SCARB2: variants seen among roughly 807,000 people sequenced by gnomAD.
SCARB2 encodes lysosome membrane protein 2.
Under a neutral mutation model 58.6 loss-of-function variants are expected in SCARB2, and 29 were observed. That is an observed-to-expected ratio of 0.49 (90% CI 0.37 to 0.67). The LOEUF is 0.67. SCARB2 is among the 30% of genes least tolerant of loss of function. SCARB2 has a pLI of 0.00. For synonymous variants in SCARB2, 195 were observed against 210.1 expected (o/e 0.93, Z 0.62); for missense variants, 488 against 578.5 (o/e 0.84, Z 1.60).
intron 1 of SCARB2, among the ~76,000 whole-genome samples, chr4:76,199,020 G>C (rs1207718548): frequency 6.6e-6 from 1 of 152,184 alleles, no homozygotes; most frequent in African/African-American, 2.4e-5. Flanking sequence ...TTACTATTCA[G>C]TTACCATTAC....
chr4:76,224,321 C>T (rs949618754), intron 1 of SCARB2, among the ~76,000 whole-genome samples: 1 of 152,160 alleles, frequency 6.6e-6, no homozygotes, highest in African/African-American at 2.4e-5. Flanking sequence ...ATCTTTATGA[C>T]AGGAGGTAGT....
intron 1 of SCARB2, 38 bp downstream of exon 1, chr4:76,213,389 A>G (rs775863179): frequency 3.6e-6 from 5 of 1,396,758 alleles, no homozygotes; most frequent in Admixed American, 1.7e-5. Flanking sequence ...GGTGAGCTGG[A>G]CGACTCCACA....
At chr4:76,214,247 G>A (rs138200779), upstream of SCARB2, 1 of 455,296 alleles carries the variant, frequency 2.2e-6, no homozygotes, top group African/African-American at 2.0e-5. Flanking sequence ...AATGTAGCAA[G>A]TGCTTCTACC....
intron 2 of SCARB2, among the ~76,000 whole-genome samples, chr4:76,189,481 T>C (rs1450807607): frequency 6.9e-6 from 1 of 145,018 alleles, no homozygotes; most frequent in Non-Finnish European, 1.5e-5. Context: ...TGTCTGTTGT[T>C]GTTGTTGTTG....
At chr4:76,167,681 C>T (rs1470609159) in intron 9 of SCARB2, among the ~76,000 whole-genome samples, 36 of 121,128 alleles carry the variant, frequency 3.0e-4, no homozygotes, top group African/African-American at 1.2e-3. Flanking sequence ...CTCCCCCCCC[C>T]CGCTTTTTTT....
At chr4:76,163,405 A>G (rs770951553) in intron 10 of SCARB2, 22 bp from the exon 11 acceptor site, 2 of 1,613,694 alleles carry the variant, frequency 1.2e-6, no homozygotes, top group East Asian at 4.5e-5. Context: ...AGAAAATAGT[A>G]TTCTTGATGA....
Position 76,195,848 on chromosome 4 carries a change from T to C in SCARB2, c.134A>G (p.Asn45Ser), listed in dbSNP as rs1164488197. 3 of 1,611,618 alleles carry C rather than the reference T, an allele frequency of 1.9e-6. No homozygotes were observed. The highest frequency in any genetic ancestry group is 1.7e-5 in the Admixed American group (1 of 59,408). ...QSIEKKIVLRNGTEAFDSWEK... is the reference protein window; with the variant it reads ...QSIEKKIVLRSGTEAFDSWEK... The stretch of plus-strand genomic sequence containing the variant: ...CCAGGAGTCAAATGCCTCAGTACCA[T>C]TCCTTAACACAATTTTCTAGGAAAA... The change falls in exon 2 of 12, where the codon AAT (asparagine) becomes AGT (serine). Residue 45 changes from asparagine (N) to serine (S), a missense_variant. Transcript: ENST00000264896.
rs757142810 is a variant in SCARB2, at chr4:76,161,721, G to A, written c.1429C>T (p.Arg477Ter). The A allele has an allele frequency of 5.6e-6, 9 of 1,614,014 alleles. No individual in the cohort carries two copies. The South Asian group carries it at 6.6e-5, about 12-fold the overall frequency. The change falls in exon 12 of 12, where the codon CGA becomes TGA. Residue 477 changes from arginine to a stop codon, truncating the protein, a stop_gained. Coordinates refer to ENST00000264896, the MANE Select transcript of SCARB2 (RefSeq NM_005506.4). LOFTEE classifies it high-confidence loss of function. ...CCAAGCAAAGGCAATGTTTAGGTTC[G>A]AATGAGGGGTGCTCTTTCATCCGCT... ...GTADERAPLIRT is the reference protein window; with the variant it reads ...GTADERAPLI
intron 1 of SCARB2, among the ~76,000 whole-genome samples, chr4:76,212,153 G>C (rs1733060830): frequency 6.6e-6 from 1 of 152,160 alleles, no homozygotes; most frequent in African/African-American, 2.4e-5. Context: ...CCCAAAGCAA[G>C]AGTTTACATC....
At chr4:76,180,480 C>G (rs1732359276) in intron 3 of SCARB2, 1 of 153,738 alleles carries the variant, frequency 6.5e-6, no homozygotes, top group South Asian at 2.0e-4. Flanking sequence ...ATAAACAGAG[C>G]CCACTGAAAT....
At chr4:76,189,735 G>T (rs1252715976) in intron 2 of SCARB2, among the ~76,000 whole-genome samples, 1 of 151,912 alleles carries the variant, frequency 6.6e-6, no homozygotes, top group Non-Finnish European at 1.5e-5. Context: ...ACTTCCCAAA[G>T]CACTGGGAAT....
intron 2 of SCARB2, among the ~76,000 whole-genome samples, chr4:76,186,829 AT>A (rs894145644): frequency 6.7e-5 from 10 of 149,816 alleles, no homozygotes; most frequent in Non-Finnish European, 1.2e-4. Context: ...CAGTTTAAGG[AT>A]TTTTTTTTTC....
intron 1 of SCARB2, among the ~76,000 whole-genome samples, chr4:76,209,753 AG>A (rs1401149095): frequency 6.6e-6 from 1 of 152,212 alleles, no homozygotes; most frequent in Non-Finnish European, 1.5e-5. Context: ...ACTTGCCCAG[AG>A]CCTCAGGTCC....
At position 76,167,680 on chromosome 4, in the gene SCARB2, C is replaced by A. The variant is rs1474755476; in HGVS notation, c.1187+723G>T. 2.3e-4 allele frequency among the ~76,000 whole-genome samples: 29 copies of A among 124,452 alleles called. 1 individual carries two copies. The South Asian group carries it at 6.5e-3, about 28-fold the overall frequency. The allele number at this position is 124,452 out of a possible 152,430, so 81.6% of individuals were successfully genotyped here. On this transcript the variant is annotated intron_variant, in intron 9 of 11. Transcript: ENST00000264896. Reference sequence around the variant, plus strand: ...TCCTTTCCCTCCCTCCCTCCCCCCCCCCGCTTTTTTTTTTTTTCCTGAGAC... The same window carrying A: ...TCCTTTCCCTCCCTCCCTCCCCCCCACCGCTTTTTTTTTTTTTCCTGAGAC...
upstream of SCARB2, chr4:76,214,086 A>C: frequency 2.8e-6 from 1 of 354,004 alleles, no homozygotes; most frequent in Non-Finnish European, 5.6e-6. Flanking sequence ...GAAATTGCCG[A>C]ACCTGGTTCA....
intron 2 of SCARB2, chr4:76,192,562 T>C (rs1046488747): frequency 2.0e-5 from 3 of 152,170 alleles, no homozygotes; most frequent in African/African-American, 7.2e-5. Context: ...TGACTTAAAG[T>C]TGGACCTTAT....
rs1731840848 is a variant in SCARB2, at chr4:76,159,129, T to C, written c.*2584A>G. On this transcript the variant is annotated 3_prime_UTR_variant, in exon 12 of 12. Transcript: ENST00000264896. ...CCTGTCCTGTGCTCAACTCCTAATT[T>C]TCCCTGAGAGAAGTGAGTTAAGCTC... The C allele has an allele frequency of 6.6e-6, 1 of 152,172 alleles. No individual in the cohort carries two copies. Among genetic ancestry groups the C allele is most frequent in the African/African-American group, 2.4e-5 (1 of 41,436 alleles). 9.4% of individuals were successfully genotyped at this position (152,172 alleles called of 1,614,324 possible). A position where few individuals can be genotyped will look rare whatever the true frequency, so the allele number is the denominator to read the frequency against.
chr4:76,185,597 T>C (rs150369811), intron 2 of SCARB2, among the ~76,000 whole-genome samples: 34 of 152,290 alleles, frequency 2.2e-4, no homozygotes, highest in South Asian at 4.1e-4. Flanking sequence ...TTAGAAACAA[T>C]AGACTGAGAT....
intron 2 of SCARB2, among the ~76,000 whole-genome samples, chr4:76,189,416 G>T (rs184027810): frequency 6.6e-6 from 1 of 152,176 alleles, no homozygotes; most frequent in Non-Finnish European, 1.5e-5. Context: ...ACACAAACAC[G>T]TCCTTTTTCA....
Sources: gnomAD v4.1 joint callset for allele counts (sites outside exome capture counted in the v4.1 genomes callset) on GRCh38, gnomAD v4.1.1 for gene constraint, MANE v1.5 for transcripts, NCBI Gene and HGNC (gene_info 2026-07-23, HGNC 2026-07-21) for gene names.